Variants in PDE1C observed in about 807,000 individuals in gnomAD.
PDE1C encodes phosphodiesterase 1C.
In PDE1C, 62 loss-of-function variants were observed where a neutral mutation model predicts 93.1. The ratio of observed to expected loss-of-function variants is 0.67; its 90% confidence interval spans 0.54 to 0.82. The LOEUF (loss-of-function observed/expected upper bound fraction) is 0.82. PDE1C is among the 40% of genes least tolerant of loss of function. The pLI is 0.00. For missense variants in PDE1C, 742 were observed against 884.6 expected (o/e 0.84, Z 2.04); for synonymous variants, 325 against 310.1 (o/e 1.05, Z -0.50).
At chr7:31,719,947 G>C in the PDE1C span, among the ~76,000 whole-genome samples, 3 of 151,092 alleles carry the variant, frequency 2.0e-5, no homozygotes, top group East Asian at 5.8e-4. Context: ...TGGATCATGA[G>C]GTCAGGAGAT....
intron 3 of PDE1C, among the ~76,000 whole-genome samples, chr7:32,141,050 AT>A (rs1800493095): frequency 6.6e-6 from 1 of 152,270 alleles, no homozygotes; most frequent in African/African-American, 2.4e-5. Context: ...GCTGAAGTCT[AT>A]TTAAAAACTT....
chr7:31,877,453 G>C (rs963680287), intron 5 of PDE1C, among the ~76,000 whole-genome samples: 3 of 151,990 alleles, frequency 2.0e-5, no homozygotes, highest in Non-Finnish European at 4.4e-5. Flanking sequence ...CAGGCCATAC[G>C]TTCATGCAGT....
chr7:32,069,373 T>C (rs1795759645), intron 1 of PDE1C, among the ~76,000 whole-genome samples: 1 of 152,170 alleles, frequency 6.6e-6, no homozygotes, highest in Non-Finnish European at 1.5e-5. Context: ...CTAGAGAATA[T>C]GCTTGGAGAA....
chr7:32,216,771 A>G (rs1400537638), intron 1 of PDE1C, among the ~76,000 whole-genome samples: 2 of 152,144 alleles, frequency 1.3e-5, no homozygotes, highest in Non-Finnish European at 1.5e-5. Flanking sequence ...GCCAAACCCT[A>G]TGTAAACCCA....
the PDE1C span, among the ~76,000 whole-genome samples, chr7:31,739,487 G>A: frequency 6.6e-6 from 1 of 152,120 alleles, no homozygotes; most frequent in Admixed American, 6.6e-5. Flanking sequence ...CATGTGTCGG[G>A]CACTATGTTA....
At chr7:32,293,566 C>T (rs1490968967) in intron 1 of PDE1C, among the ~76,000 whole-genome samples, 1 of 152,174 alleles carries the variant, frequency 6.6e-6, no homozygotes, top group Non-Finnish European at 1.5e-5. Flanking sequence ...ACTGCCATAA[C>T]CTAAGGATCT....
At chr7:31,821,904 C>T (rs1789017101) in intron 14 of PDE1C, among the ~76,000 whole-genome samples, 1 of 152,064 alleles carries the variant, frequency 6.6e-6, no homozygotes, top group African/African-American at 2.4e-5. Flanking sequence ...CTCTTACCCA[C>T]CGTCCCCACC....
chr7:31,621,254 G>T, the PDE1C span, among the ~76,000 whole-genome samples: 1 of 150,150 alleles, frequency 6.7e-6, no homozygotes, highest in Admixed American at 6.7e-5. Context: ...GAAATGCAGA[G>T]AATGCCACAA....
intron 1 of PDE1C, among the ~76,000 whole-genome samples, chr7:32,225,066 T>C (rs545444663): frequency 1.3e-5 from 2 of 152,142 alleles, no homozygotes; most frequent in Admixed American, 1.3e-4. Flanking sequence ...TAAGTATTTG[T>C]GAGTCGGAAA....
At chr7:31,691,352 T>C in the PDE1C span, among the ~76,000 whole-genome samples, 1 of 152,206 alleles carries the variant, frequency 6.6e-6, no homozygotes, top group Non-Finnish European at 1.5e-5. Context: ...TGCATGCTGG[T>C]TGTCAAGAAA....
chr7:31,963,071 A>G (rs1037092365), intron 2 of PDE1C, among the ~76,000 whole-genome samples: 1 of 152,262 alleles, frequency 6.6e-6, no homozygotes, highest in African/African-American at 2.4e-5. Flanking sequence ...TACAAAAGCA[A>G]TGCTTTAGAA....
intron 1 of PDE1C, among the ~76,000 whole-genome samples, chr7:32,265,379 T>A (rs1810502346): frequency 6.6e-6 from 1 of 152,180 alleles, no homozygotes; most frequent in Non-Finnish European, 1.5e-5. Flanking sequence ...GATGGGCACA[T>A]GATCCAATTC....
At chr7:32,299,025 C>T in exon 1 of PDE1C, 1 of 1,201,914 alleles carries the variant, frequency 8.3e-7, no homozygotes, top group Non-Finnish European at 1.0e-6. Flanking sequence ...AGGGAGGACG[C>T]GCGCCCGAGC....
At chr7:31,838,429 C>T (rs1791391618) in intron 9 of PDE1C, among the ~76,000 whole-genome samples, 1 of 152,050 alleles carries the variant, frequency 6.6e-6, no homozygotes, top group African/African-American at 2.4e-5. Context: ...ATAGCTAGTT[C>T]TCATGTTACC....
In PDE1C at chr7:31,803,396, CTTTTTA is replaced by C. The variant is rs1293241936; in HGVS notation, c.1891+5629_1891+5634del. Among the ~76,000 whole-genome samples, 10 of 108,986 alleles carry C rather than the reference CTTTTTA, an allele frequency of 9.2e-5. 1 individual carries two copies. Among genetic ancestry groups the C allele is most frequent in the Middle Eastern group, 0.01 (2 of 194 alleles). The allele number at this position is 108,986 out of a possible 152,430, so 71.5% of individuals were successfully genotyped here. ...TTGGTTTCAATTGGTTGGGCTTTTT[CTTTTTA>C]TTATTATTATTATTATTATACTTTA... is the stretch of plus-strand genomic sequence containing the variant. On this transcript the variant is annotated intron_variant, in intron 16 of 17. Transcript: ENST00000396191.
At chr7:32,169,465 G>A (rs1802510094) in intron 3 of PDE1C, among the ~76,000 whole-genome samples, 1 of 152,180 alleles carries the variant, frequency 6.6e-6, no homozygotes, top group Non-Finnish European at 1.5e-5. Context: ...TTATCTGGAT[G>A]TGTCATCCTC....
At chr7:32,358,438 T>C (rs1784072045) in intron 1 of PDE1C, among the ~76,000 whole-genome samples, 1 of 151,916 alleles carries the variant, frequency 6.6e-6, no homozygotes, top group Non-Finnish European at 1.5e-5. Flanking sequence ...GCAAGAGGAG[T>C]TGATAATATA....
intron 16 of PDE1C, among the ~76,000 whole-genome samples, chr7:31,803,187 T>A (rs1786289187): frequency 6.6e-6 from 1 of 151,808 alleles, no homozygotes; most frequent in Non-Finnish European, 1.5e-5. Context: ...TCATCTAATG[T>A]TATTCTGTCA....
the PDE1C span, among the ~76,000 whole-genome samples, chr7:31,724,017 C>T: frequency 6.6e-6 from 1 of 152,156 alleles, no homozygotes; most frequent in African/African-American, 2.4e-5. Context: ...GCTAAAACCC[C>T]ACGCTAGCTT....
Sources: allele counts gnomAD v4.1 joint callset (sites outside exome capture counted in the v4.1 genomes callset), GRCh38; gene constraint gnomAD v4.1.1; transcripts MANE v1.5; gene names NCBI Gene and HGNC (gene_info 2026-07-23, HGNC 2026-07-21).